Variants in CLEC14A observed in about 807,000 individuals in gnomAD.
The protein encoded by CLEC14A is C-type lectin domain containing 14A, also known as C-type lectin domain family 14 member A.
For missense variants in CLEC14A, 682 were observed against 659.9 expected, an observed-to-expected ratio of 1.03 and a Z score of -0.37; for synonymous variants, 349 against 292.0, an observed-to-expected ratio of 1.20 and a Z score of -1.99.
chr14:38,255,594 G>T lies in CLEC14A; in HGVS notation c.429C>A (p.Cys143Ter). The change falls in exon 1 of 1, where the codon TGC becomes TGA. Residue 143 changes from cysteine to a stop codon, truncating the protein, a stop_gained. Transcript: ENST00000342213. LOFTEE classifies it low-confidence loss of function (END_TRUNC). This position sits in a 1 kb window ranked among gnomAD's most constrained non-coding sequence, Gnocchi z 5.1. Reference sequence around the variant, plus strand: ...CCCCACCGGTGGCCTGGAGTACCGCGCATCTCCGCGCGGTGCAGGAGCGTT... The same window carrying T: ...CCCCACCGGTGGCCTGGAGTACCGCTCATCTCCGCGCGGTGCAGGAGCGTT... ...EPQRSCTARR[C>*]AVLQATGGVE... The T allele has an allele frequency of 6.2e-7, 1 of 1,611,962 alleles. No homozygotes were observed. Among genetic ancestry groups the T allele is most frequent in the African/African-American group, 1.3e-5 (1 of 75,054 alleles).
In CLEC14A at chr14:38,255,756, G is replaced by GTCT; in HGVS notation, c.264_266dup (p.Lys88_Asp89insGlu). ...GCTCCAGTGCGACCCAGAACAGCAG[G>GTCT]TCTTTGGAGCCCCCTCCGGGCCCTG... On this transcript the variant is annotated inframe_insertion, in exon 1 of 1. Coordinates refer to ENST00000342213, the MANE Select transcript of CLEC14A (RefSeq NM_175060.3). The surrounding 1 kb of genome is among the most constrained non-coding windows in gnomAD (Gnocchi z 5.1). 6.5e-7 allele frequency: 1 copy of GTCT among 1,549,394 alleles called. No individual in the cohort carries two copies. The highest frequency in any genetic ancestry group is 8.7e-7 in the Non-Finnish European group (1 of 1,150,680).
Position 38,254,726 on chromosome 14 carries a change from G to C in CLEC14A, c.1297C>G (p.Pro433Ala). Residue 433 changes from proline (P) to alanine (A), a missense_variant, in exon 1 of 1, where the codon CCA becomes GCA. Physicochemically the swap from Pro to Ala is conservative, Grantham distance 27. Coordinates refer to ENST00000342213, the MANE Select transcript of CLEC14A (RefSeq NM_175060.3). ...GGCGGGCCCATAGACTCCTTCCTTG[G>C]CTGGGAAGAGGGGCTTTCGTGAAAG... ...LCFHESPSSQ[P>A]RKESMGPPGL... 1 of 1,614,094 alleles carries C rather than the reference G, an allele frequency of 6.2e-7. No homozygotes were observed. The highest frequency in any genetic ancestry group is 1.1e-5 in the South Asian group (1 of 91,086).
rs1393247926 is a variant in CLEC14A, at chr14:38,255,178, T to C, written c.845A>G (p.Asp282Gly). The change falls in exon 1 of 1, where the codon GAC (aspartate) becomes GGC (glycine). Residue 282 changes from aspartate to glycine, a missense_variant. Transcript: ENST00000342213. This position sits in a 1 kb window ranked among gnomAD's most constrained non-coding sequence, Gnocchi z 5.1. The stretch of plus-strand genomic sequence containing the variant: ...CCCACTGGTCACACAAGAGCGGCCG[T>C]CCTTCCCCAGCTCGAAGCCCGTAGC... ...ECATGFELGK[D>G]GRSCVTSGEG... 1 of 1,613,648 alleles carries C rather than the reference T, an allele frequency of 6.2e-7. No homozygotes were observed. Among genetic ancestry groups the C allele is most frequent in the Admixed American group, 1.7e-5 (1 of 60,016 alleles).
In CLEC14A at chr14:38,254,643, T is replaced by G; in HGVS notation, c.1380A>C (p.Thr460=). Residue 460 remains threonine (T), a synonymous_variant, in exon 1 of 1, where the codon ACA becomes ACC. Transcript: ENST00000342213. The stretch of plus-strand genomic sequence containing the variant: ...AGTCCCCGACTTTCACCCCATTGTT[T>G]GTGCAATGTGCAGAACTGGAGCCCA... ...AALGSSSAHC[T]NNGVKVGDCD... is the part of the protein sequence containing the mutation. 1 of 1,614,136 alleles carries G rather than the reference T, an allele frequency of 6.2e-7. No homozygotes were observed. The highest frequency in any genetic ancestry group is 8.5e-7 in the Non-Finnish European group (1 of 1,180,006).
rs1254759332 is a variant in CLEC14A, at chr14:38,255,265, G to A, written c.758C>T (p.Ala253Val). ...LCPCPGRYLRAGKCAELPNCL... is the reference protein window; with the variant it reads ...LCPCPGRYLRVGKCAELPNCL... ...GTTAGGGAGCTCTGCGCATTTGCCA[G>A]CACGGAGGTACCTCCCGGGGCAGGG... The change falls in exon 1 of 1, where the codon GCT becomes GTT. Residue 253 changes from alanine (A) to valine (V), a missense_variant. By Grantham distance (64) the Ala-to-Val change is moderately conservative (BLOSUM62 0). Coordinates refer to ENST00000342213, the MANE Select transcript of CLEC14A (RefSeq NM_175060.3). This position sits in a 1 kb window ranked among gnomAD's most constrained non-coding sequence, Gnocchi z 5.1. The A allele has an allele frequency of 6.2e-7, 1 of 1,613,888 alleles. No individual in the cohort carries two copies. Among genetic ancestry groups the A allele is most frequent in the East Asian group, 2.2e-5 (1 of 44,874 alleles).
rs971794168 is a variant in CLEC14A at position 38,255,821 on chromosome 14, C to T, written c.202G>A (p.Ala68Thr). ...AGCGCGAGCACAGCGCGCAGCTCGGCGCCCGCACGCACGGTGCTGAGCGCC... is the reference window on the plus strand; with the variant it reads ...AGCGCGAGCACAGCGCGCAGCTCGGTGCCCGCACGCACGGTGCTGAGCGCC... ...GGALSTVRAG[A>T]ELRAVLALLR... is the part of the protein sequence containing the mutation. Residue 68 changes from alanine (A) to threonine (T), a missense_variant, in exon 1 of 1, where the codon GCC becomes ACC. Coordinates refer to ENST00000342213, the MANE Select transcript of CLEC14A (RefSeq NM_175060.3). This position sits in a 1 kb window ranked among gnomAD's most constrained non-coding sequence, Gnocchi z 5.1. 7 of 1,539,546 alleles carry T rather than the reference C, an allele frequency of 4.5e-6. No homozygotes were observed. Among genetic ancestry groups the T allele is most frequent in the Non-Finnish European group, 6.1e-6 (7 of 1,148,082 alleles).
chr14:38,254,623 C>T lies in CLEC14A; in HGVS notation c.1400G>A (p.Gly467Glu), dbSNP rs747240370. The change falls in exon 1 of 1, where the codon GGG becomes GAG. Residue 467 changes from glycine (G) to glutamate (E), a missense_variant. Coordinates refer to ENST00000342213, the MANE Select transcript of CLEC14A (RefSeq NM_175060.3). The stretch of plus-strand genomic sequence containing the variant: ...TGCTCTGTCCCGCAGATCACAGTCC[C>T]CGACTTTCACCCCATTGTTTGTGCA... ...AHCTNNGVKV[G>E]DCDLRDRAEG... 6.2e-7 allele frequency: 1 copy of T among 1,614,108 alleles called. No homozygotes were observed. The highest frequency in any genetic ancestry group is 1.3e-5 in the African/African-American group (1 of 75,048).
In CLEC14A at chr14:38,254,726, G is replaced by T. The variant is rs1164669045; in HGVS notation, c.1297C>A (p.Pro433Thr). 1 of 1,613,974 alleles carries T rather than the reference G, an allele frequency of 6.2e-7. No individual in the cohort carries two copies. Among genetic ancestry groups the T allele is most frequent in the Non-Finnish European group, 8.5e-7 (1 of 1,180,012 alleles). Residue 433 changes from proline (P) to threonine (T), a missense_variant, in exon 1 of 1, where the codon CCA becomes ACA. Pro to Thr is a conservative substitution (Grantham distance 38). Transcript: ENST00000342213. ...GGCGGGCCCATAGACTCCTTCCTTG[G>T]CTGGGAAGAGGGGCTTTCGTGAAAG... ...LCFHESPSSQ[P>T]RKESMGPPGL...
rs772963880 is a variant in CLEC14A, at chr14:38,255,054, G to A, written c.969C>T (p.Val323=). 4 of 1,612,840 alleles carry A rather than the reference G, an allele frequency of 2.5e-6. No individual in the cohort carries two copies. The highest frequency in any genetic ancestry group is 1.7e-5 in the Admixed American group (1 of 60,000). Residue 323 remains valine (V), a synonymous_variant, in exon 1 of 1, where the codon GTC becomes GTT. Transcript: ENST00000342213. This position sits in a 1 kb window ranked among gnomAD's most constrained non-coding sequence, Gnocchi z 5.1. ...PVPQRTWPIR[V]DEKLGETPLV... is the part of the protein sequence containing the mutation. ...GTGGTGTCTCTCCCAGCTTCTCGTC[G>A]ACCCTGATTGGCCATGTTCTCTGCG...
chr14:38,254,469 T>C lies in CLEC14A; in HGVS notation c.*81A>G. 1 of 1,350,956 alleles carries C rather than the reference T, an allele frequency of 7.4e-7. No individual in the cohort carries two copies. The highest frequency in any genetic ancestry group is 1.5e-5 in the South Asian group (1 of 67,366). The allele number at this position is 1,350,956 out of a possible 1,614,324, so 83.7% of individuals were successfully genotyped here. ...GGGGATTTCTGCAGAAATTGTCAGT[T>C]ACACAAGTAAGTTCCTCTTGGTTCC... On this transcript the variant is annotated 3_prime_UTR_variant, in exon 1 of 1. Transcript: ENST00000342213.
Position 38,254,859 on chromosome 14 carries a change from A to C in CLEC14A, c.1164T>G (p.Thr388=), listed in dbSNP as rs1047159662. The change falls in exon 1 of 1, where the codon ACT becomes ACG. Residue 388 remains threonine (T), a synonymous_variant. Coordinates refer to ENST00000342213, the MANE Select transcript of CLEC14A (RefSeq NM_175060.3). The part of the protein sequence containing the change: ...SKFNSTTSSA[T]PQAFDSSSAV... ...CAGAGGAGGAGTCGAAAGCCTGAGG[A>C]GTGGCAGAGGAAGTCGTAGAATTAA... The C allele has an allele frequency of 2.2e-5, 35 of 1,613,728 alleles. No homozygotes were observed. The highest frequency in any genetic ancestry group is 3.0e-5 in the Non-Finnish European group (35 of 1,179,856).
At position 38,255,592 on chromosome 14, in the gene CLEC14A, G is replaced by A. The variant is rs748838334; in HGVS notation, c.431C>T (p.Ala144Val). 2 of 1,611,980 alleles carry A rather than the reference G, an allele frequency of 1.2e-6. No individual in the cohort carries two copies. The highest frequency in any genetic ancestry group is 3.3e-5 in the Admixed American group (2 of 60,004). The change falls in exon 1 of 1, where the codon GCG (alanine) becomes GTG (valine). Residue 144 changes from alanine to valine, a missense_variant. Coordinates refer to ENST00000342213, the MANE Select transcript of CLEC14A (RefSeq NM_175060.3). This position sits in a 1 kb window ranked among gnomAD's most constrained non-coding sequence, Gnocchi z 5.1. ...PQRSCTARRC[A>V]VLQATGGVEP... ...GACCCCACCGGTGGCCTGGAGTACC[G>A]CGCATCTCCGCGCGGTGCAGGAGCG...
chr14:38,254,940 G>A lies in CLEC14A; in HGVS notation c.1083C>T (p.Ser361=). The A allele has an allele frequency of 6.2e-7, 1 of 1,614,194 alleles. No individual in the cohort carries two copies. ...TAGTGGCCTTTGACTCGGCTTGAAG[G>A]GACATTTGAAGGGTAGACATCGTGC... is the stretch of plus-strand genomic sequence containing the variant. The part of the protein sequence containing the change: ...SQSTMSTLQM[S]LQAESKATIT... The change falls in exon 1 of 1, where the codon TCC becomes TCT. Residue 361 remains serine, a synonymous_variant. Transcript: ENST00000342213.
rs779483782 is a variant in CLEC14A at position 38,254,956 on chromosome 14, G to A, written c.1067C>T (p.Ser356Phe). The A allele has an allele frequency of 1.2e-6, 2 of 1,614,196 alleles. No homozygotes were observed. Among genetic ancestry groups the A allele is most frequent in the Admixed American group, 1.7e-5 (1 of 60,034 alleles). ...GGCTTGAAGGGACATTTGAAGGGTAGACATCGTGCTCTGTGATCCCCATCG... is the reference window on the plus strand; with the variant it reads ...GGCTTGAAGGGACATTTGAAGGGTAAACATCGTGCTCTGTGATCCCCATCG... ...IPRWGSQSTM[S>F]TLQMSLQAES... Residue 356 changes from serine (S) to phenylalanine (F), a missense_variant, in exon 1 of 1, where the codon TCT becomes TTT. By Grantham distance (155) the Ser-to-Phe change is radical. Coordinates refer to ENST00000342213, the MANE Select transcript of CLEC14A (RefSeq NM_175060.3).
At position 38,255,583 on chromosome 14, in the gene CLEC14A, TGGAGTACCGCGCATCTCCGCGCGGTGCA is replaced by T. The variant is rs1300133033; in HGVS notation, c.412_439del (p.Cys138ArgfsTer44). On this transcript the variant is annotated frameshift_variant, in exon 1 of 1. Transcript: ENST00000342213. LOFTEE classifies it low-confidence loss of function (END_TRUNC). The surrounding 1 kb of genome is among the most constrained non-coding windows in gnomAD (Gnocchi z 5.1). The stretch of plus-strand genomic sequence containing the variant: ...TGCGGGCTCGACCCCACCGGTGGCC[TGGAGTACCGCGCATCTCCGCGCGGTGCA>T]GGAGCGTTGGGGCTCCTCCACCCAC... The T allele has an allele frequency of 1.1e-5, 18 of 1,612,458 alleles. No individual in the cohort carries two copies. Among genetic ancestry groups the T allele is most frequent in the Non-Finnish European group, 1.4e-5 (17 of 1,179,906 alleles).
chr14:38,255,966 G>T lies in CLEC14A; in HGVS notation c.57C>A (p.Gly19=), dbSNP rs1212321063. Residue 19 remains glycine, a synonymous_variant, in exon 1 of 1, where the codon GGC becomes GGA. Coordinates refer to ENST00000342213, the MANE Select transcript of CLEC14A (RefSeq NM_175060.3). This position sits in a 1 kb window ranked among gnomAD's most constrained non-coding sequence, Gnocchi z 5.1. ...LLWQALWPGP[G]GGEHPTADRA... ...GGTCGGCAGTGGGGTGTTCGCCGCC[G>T]CCCGGCCCGGGCCAGAGCGCCTGCC... 1.3e-6 allele frequency: 2 copies of T among 1,547,004 alleles called. No homozygotes were observed. Among genetic ancestry groups the T allele is most frequent in the Admixed American group, 3.9e-5 (2 of 51,122 alleles).
At position 38,254,690 on chromosome 14, in the gene CLEC14A, T is replaced by C. The variant is rs1425584529; in HGVS notation, c.1333A>G (p.Ser445Gly). 1 of 1,614,136 alleles carries C rather than the reference T, an allele frequency of 6.2e-7. No homozygotes were observed. The highest frequency in any genetic ancestry group is 1.7e-5 in the Admixed American group (1 of 60,012). ...CCCAAAGCAGCGGGCTCAGGATCAC[T>C]CTCCAGGCCCGGCGGGCCCATAGAC... ...KESMGPPGLESDPEPAALGSS... is the reference protein window; with the variant it reads ...KESMGPPGLEGDPEPAALGSS... Residue 445 changes from serine (S) to glycine (G), a missense_variant, in exon 1 of 1, where the codon AGT (serine) becomes GGT (glycine). By Grantham distance (56) the Ser-to-Gly change is moderately conservative. Transcript: ENST00000342213.
Position 38,254,918 on chromosome 14 carries a change from T to G in CLEC14A, c.1105A>C (p.Thr369Pro), listed in dbSNP as rs1884011470. Residue 369 changes from threonine to proline, a missense_variant, in exon 1 of 1, where the codon ACT becomes CCT. Thr to Pro is a conservative substitution (Grantham distance 38). Coordinates refer to ENST00000342213, the MANE Select transcript of CLEC14A (RefSeq NM_175060.3). ...QMSLQAESKA[T>P]ITPSGSVISK... is the part of the protein sequence containing the mutation. Reference sequence around the variant, plus strand: ...ATCACGCTCCCTGATGGGGTGATAGTGGCCTTTGACTCGGCTTGAAGGGAC... The same window carrying G: ...ATCACGCTCCCTGATGGGGTGATAGGGGCCTTTGACTCGGCTTGAAGGGAC... 2 of 1,614,224 alleles carry G rather than the reference T, an allele frequency of 1.2e-6. No homozygotes were observed. The highest frequency in any genetic ancestry group is 4.5e-5 in the East Asian group (2 of 44,870).
Position 38,255,970 on chromosome 14 carries a change from G to C in CLEC14A, c.53C>G (p.Pro18Arg), listed in dbSNP as rs768761837. The C allele has an allele frequency of 6.1e-5, 94 of 1,546,546 alleles. No individual in the cohort carries two copies. The highest frequency in any genetic ancestry group is 4.8e-4 in the South Asian group (40 of 83,766). ...CLLWQALWPG[P>R]GGGEHPTADR... ...GGCAGTGGGGTGTTCGCCGCCGCCC[G>C]GCCCGGGCCAGAGCGCCTGCCAGAG... The change falls in exon 1 of 1, where the codon CCG (proline) becomes CGG (arginine). Residue 18 changes from proline (P) to arginine (R), a missense_variant. Coordinates refer to ENST00000342213, the MANE Select transcript of CLEC14A (RefSeq NM_175060.3). The surrounding 1 kb of genome is among the most constrained non-coding windows in gnomAD (Gnocchi z 5.1).
Sources: gnomAD v4.1 joint callset for allele counts on GRCh38, gnomAD v4.1.1 for gene constraint, Gnocchi (gnomAD v3.1) non-coding constraint, MANE v1.5 for transcripts, NCBI Gene and HGNC (gene_info 2026-07-23, HGNC 2026-07-21) for gene names.